Variants in DYRK2 observed in about 807,000 individuals in gnomAD.
DYRK2 encodes the protein dual specificity tyrosine-phosphorylation-regulated kinase 2.
DYRK2 carries 12 observed loss-of-function variants against 41.6 expected under a neutral mutation model. The ratio of observed to expected loss-of-function variants is 0.29; its 90% CI spans 0.18 to 0.47. DYRK2 has a LOEUF of 0.47. Ranked by LOEUF, DYRK2 falls within the 20% of genes least tolerant of loss-of-function variation. The pLI, the probability that DYRK2 is intolerant of heterozygous loss-of-function variation, is 1.00. For synonymous variants in DYRK2, 322 were observed against 315.7 expected (o/e 1.02, Z -0.21); for missense variants, 678 against 798.4 (o/e 0.85, Z 1.82).
Position 67,657,417 on chromosome 12 carries a change from C to G in DYRK2, c.510C>G (p.Phe170Leu), listed in dbSNP as rs774410869. 9 of 1,614,014 alleles carry G rather than the reference C, an allele frequency of 5.6e-6. No individual in the cohort carries two copies. In the Admixed American group the frequency reaches 1.3e-4, roughly 24 times the overall value. Residue 170 changes from phenylalanine (F) to leucine (L), a missense_variant, in exon 3 of 3, where the codon TTC (phenylalanine) becomes TTG (leucine). Phe to Leu is a conservative substitution (Grantham distance 22). Around this residue, in one of 2 missense-constraint regions of DYRK2, gnomAD observed 285 missense variants for 279.2 expected, o/e 1.02. Coordinates refer to ENST00000344096, the MANE Select transcript of DYRK2 (RefSeq NM_006482.3). The surrounding 1 kb of genome is among the most constrained non-coding windows in gnomAD (Gnocchi z 4.8). ...AATACATGCAAAAACTCACAGCCTT[C>G]GAACACCATGAGATTTTCAGCTACC... ...MKQYMQKLTAFEHHEIFSYPE... is the reference protein window; with the variant it reads ...MKQYMQKLTALEHHEIFSYPE...
Position 67,657,065 on chromosome 12 carries a change from C to T in DYRK2, c.199-41C>T. The T allele has an allele frequency of 6.6e-7, 1 of 1,521,840 alleles. No individual in the cohort carries two copies. 94.3% of individuals were successfully genotyped at this position (1,521,840 alleles called of 1,614,324 possible). A position where few individuals can be genotyped will look rare whatever the true frequency, so the allele number is the denominator to read the frequency against. On this transcript the variant is annotated intron_variant, in intron 2 of 2. Coordinates refer to ENST00000344096, the MANE Select transcript of DYRK2 (RefSeq NM_006482.3). This position sits in a 1 kb window ranked among gnomAD's most constrained non-coding sequence, Gnocchi z 4.8. The stretch of plus-strand genomic sequence containing the variant: ...GTTACTTATACACCATTTGAACAGA[C>T]ACCACTTCTTTTCTATTTATATTTC...
intron 2 of DYRK2, among the ~76,000 whole-genome samples, chr12:67,654,910 C>T (rs1357352064): frequency 1.3e-5 from 2 of 152,054 alleles, no homozygotes; most frequent in Non-Finnish European, 2.9e-5. Flanking sequence ...TGGCTGTGTT[C>T]AGGATCAGTT....
At position 67,664,909 on chromosome 12, in the gene DYRK2, G is replaced by A. The variant is rs1303870886; in HGVS notation, c.*6196G>A. ...ATAGTAGCTTCATTCTTTATTTTCT[G>A]TGTTCTTAAATTTTTTTTTACATTT... On this transcript the variant is annotated 3_prime_UTR_variant, in exon 3 of 3. Coordinates refer to ENST00000344096, the MANE Select transcript of DYRK2 (RefSeq NM_006482.3). 2.0e-5 allele frequency: 3 copies of A among 151,950 alleles called. No individual in the cohort carries two copies. The highest frequency in any genetic ancestry group is 4.4e-5 in the Non-Finnish European group (3 of 67,960). The allele number at this position is 151,950 out of a possible 1,614,324, so 9.4% of individuals were successfully genotyped here.
rs1872650312 is a variant in DYRK2 at position 67,662,433 on chromosome 12, A to C, written c.*3720A>C. The stretch of plus-strand genomic sequence containing the variant: ...ACTGTGTGTACTGAAAATATGTGAA[A>C]ATGGTTGAATGTGGACTGTGTATAT... On this transcript the variant is annotated 3_prime_UTR_variant, in exon 3 of 3. Coordinates refer to ENST00000344096, the MANE Select transcript of DYRK2 (RefSeq NM_006482.3). 1.2e-5 allele frequency: 2 copies of C among 166,790 alleles called. No individual in the cohort carries two copies. Among genetic ancestry groups the C allele is most frequent in the Non-Finnish European group, 2.9e-5 (2 of 68,068 alleles). 10.3% of individuals were successfully genotyped at this position (166,790 alleles called of 1,614,324 possible).
chr12:67,653,414 T>C (rs1872378626), intron 2 of DYRK2, among the ~76,000 whole-genome samples: 1 of 152,106 alleles, frequency 6.6e-6, no homozygotes, highest in Admixed American at 6.6e-5. Context: ...AAGTCTTCTT[T>C]TGCTAGAGCT....
intron 2 of DYRK2, 42 bp downstream of exon 2, chr12:67,649,987 A>G (rs1023716098): frequency 2.3e-6 from 3 of 1,300,882 alleles, no homozygotes; most frequent in South Asian, 2.4e-5. Context: ...TGGGGGCGGG[A>G]GGGGCCCCAG....
rs1374041161 is a variant in DYRK2 at position 67,648,921 on chromosome 12, G to A, written c.-213G>A. 1.9e-5 allele frequency: 7 copies of A among 369,432 alleles called. No individual in the cohort carries two copies. The highest frequency in any genetic ancestry group is 1.5e-3 in the Middle Eastern group (2 of 1,320). The allele number at this position is 369,432 out of a possible 1,614,324, so 22.9% of individuals were successfully genotyped here. A position where few individuals can be genotyped will look rare whatever the true frequency, so the allele number is the denominator to read the frequency against. ...GCCCGAGGAAGAGGAGGACGGCGGC[G>A]AGGAGGAGAGCGGGGGGCTCGCGGC... On this transcript the variant is annotated 5_prime_UTR_variant, in exon 1 of 3. Coordinates refer to ENST00000344096, the MANE Select transcript of DYRK2 (RefSeq NM_006482.3).
In DYRK2 at chr12:67,658,600, A is replaced by C; in HGVS notation, c.1693A>C (p.Lys565Gln). 1 of 1,614,192 alleles carries C rather than the reference A, an allele frequency of 6.2e-7. No homozygotes were observed. Among genetic ancestry groups the C allele is most frequent in the South Asian group, 1.1e-5 (1 of 91,080 alleles). The stretch of plus-strand genomic sequence containing the variant: ...CACCGGTGCTATCACATCTATATCC[A>C]AGTTACCTCCACCTTCTAGCTCAGC... ...ESTGAITSIS[K>Q]LPPPSSSASK... The change falls in exon 3 of 3, where the codon AAG becomes CAG. Residue 565 changes from lysine to glutamine, a missense_variant. Physicochemically the swap from Lys to Gln is moderately conservative, Grantham distance 53 (BLOSUM62 1). Coordinates refer to ENST00000344096, the MANE Select transcript of DYRK2 (RefSeq NM_006482.3). This position sits in a 1 kb window ranked among gnomAD's most constrained non-coding sequence, Gnocchi z 4.3.
At chr12:67,652,354 A>G (rs1872345688) in intron 2 of DYRK2, 1 of 152,170 alleles carries the variant, frequency 6.6e-6, no homozygotes, top group Non-Finnish European at 1.5e-5. Flanking sequence ...AAAATATTAA[A>G]ATATGTATAA....
Position 67,662,403 on chromosome 12 carries a change from C to T in DYRK2, c.*3690C>T, listed in dbSNP as rs1346035802. On this transcript the variant is annotated 3_prime_UTR_variant, in exon 3 of 3. Transcript: ENST00000344096. ...AACTTAGACACGTGACTGTAATATG[C>T]TGCAACTGTGTGTACTGAAAATATG... 6.0e-6 allele frequency: 1 copy of T among 166,896 alleles called. No individual in the cohort carries two copies. Among genetic ancestry groups the T allele is most frequent in the Non-Finnish European group, 1.5e-5 (1 of 68,072 alleles). The allele number at this position is 166,896 out of a possible 1,614,324, so 10.3% of individuals were successfully genotyped here. A position where few individuals can be genotyped will look rare whatever the true frequency, so the allele number is the denominator to read the frequency against.
intron 2 of DYRK2, chr12:67,651,741 A>G: frequency 2.5e-6 from 1 of 393,906 alleles, no homozygotes; most frequent in Non-Finnish European, 5.0e-6. Flanking sequence ...GAAAGGTTAC[A>G]AGGACCACAG....
intron 2 of DYRK2, among the ~76,000 whole-genome samples, chr12:67,650,336 A>C (rs1872283091): frequency 6.6e-6 from 1 of 152,154 alleles, no homozygotes. Context: ...TTATAGAAAC[A>C]GATACGTGTT....
At chr12:67,650,388 A>G (rs907620276) in intron 2 of DYRK2, among the ~76,000 whole-genome samples, 1 of 152,188 alleles carries the variant, frequency 6.6e-6, no homozygotes, top group African/African-American at 2.4e-5. Context: ...TCGATCCCCC[A>G]AAGAGCCTCC....
At chr12:67,649,733 G>C (rs1872251592) in intron 1 of DYRK2, 64 bp from the exon 2 acceptor site, 4 of 1,294,246 alleles carry the variant, frequency 3.1e-6, no homozygotes, top group Non-Finnish European at 3.9e-6. Context: ...GGGGTTGGAG[G>C]GGGGGTCTGG....
At chr12:67,655,611 G>A (rs1872445814) in intron 2 of DYRK2, among the ~76,000 whole-genome samples, 1 of 152,186 alleles carries the variant, frequency 6.6e-6, no homozygotes, top group Non-Finnish European at 1.5e-5. Context: ...TGATATCCCT[G>A]AGCCTATGAA....
At chr12:67,653,760 A>G (rs917967072) in intron 2 of DYRK2, among the ~76,000 whole-genome samples, 1 of 152,222 alleles carries the variant, frequency 6.6e-6, no homozygotes, top group Non-Finnish European at 1.5e-5. Flanking sequence ...TTCCATCCCA[A>G]AGATATTTAT....
chr12:67,661,233 T>G lies in DYRK2; in HGVS notation c.*2520T>G, dbSNP rs1872615521. 6.0e-6 allele frequency: 1 copy of G among 167,010 alleles called. No homozygotes were observed. The highest frequency in any genetic ancestry group is 1.5e-5 in the Non-Finnish European group (1 of 68,122). The allele number at this position is 167,010 out of a possible 1,614,324, so 10.3% of individuals were successfully genotyped here. A position where few individuals can be genotyped will look rare whatever the true frequency, so the allele number is the denominator to read the frequency against. On this transcript the variant is annotated 3_prime_UTR_variant, in exon 3 of 3. Transcript: ENST00000344096. The stretch of plus-strand genomic sequence containing the variant: ...GTCAAAAAAAGAAAAATGTTGCATC[T>G]TTGTGATTTTAAAACATAAATTAAT...
At chr12:67,649,623 C>T in intron 1 of DYRK2, 174 bp from the exon 2 acceptor site, 1 of 748,422 alleles carries the variant, frequency 1.3e-6, no homozygotes, top group African/African-American at 1.8e-5. Context: ...CCGCGCCCCG[C>T]CCGTGGGTGT....
rs565537227 is a variant in DYRK2 at position 67,656,229 on chromosome 12, A to G, written c.199-877A>G. 2.6e-5 allele frequency among the ~76,000 whole-genome samples: 4 copies of G among 152,304 alleles called. No individual in the cohort carries two copies. In the South Asian group the frequency reaches 6.2e-4, roughly 24 times the overall value. ...TGGGGTCCCTTGGTTCACACCATTG[A>G]TAGAATTTAGACAGGAATGTTCAGG... On this transcript the variant is annotated intron_variant, in intron 2 of 2. Coordinates refer to ENST00000344096, the MANE Select transcript of DYRK2 (RefSeq NM_006482.3).
Sources: gnomAD v4.1 joint callset for allele counts (sites outside exome capture counted in the v4.1 genomes callset) on GRCh38, gnomAD v4.1.1 for gene constraint, gnomAD v4.1.1 regional missense constraint, Gnocchi (gnomAD v3.1) non-coding constraint, MANE v1.5 for transcripts, NCBI Gene and HGNC (gene_info 2026-07-23, HGNC 2026-07-21) for gene names.